The following USP30 variants were observed in gnomAD, a reference collection of about 807,000 sequenced individuals.
USP30 encodes the protein ubiquitin specific peptidase 30.
A neutral mutation model predicts 68.2 loss-of-function variants in USP30; 41 were observed. The ratio of observed to expected loss-of-function variants is 0.60; its 90% CI spans 0.47 to 0.78. The LOEUF is 0.78. USP30 is among the 30% of genes least tolerant of loss of function. USP30 has a pLI of 0.00. For synonymous variants in USP30, 229 were observed against 253.7 expected, an observed-to-expected ratio of 0.90 and a Z score of 0.93; for missense variants, 522 against 649.4, an observed-to-expected ratio of 0.80 and a Z score of 2.13.
At chr12:109,066,952 A>G (rs1166966981) in intron 3 of USP30, among the ~76,000 whole-genome samples, 1 of 152,158 alleles carries the variant, frequency 6.6e-6, no homozygotes, top group Non-Finnish European at 1.5e-5. Context: ...TAGTTTGAAG[A>G]TACAGGAATC....
chr12:109,041,418 C>T (rs1302845759), intron 3 of USP30, among the ~76,000 whole-genome samples: 7 of 152,060 alleles, frequency 4.6e-5, no homozygotes, highest in Admixed American at 6.6e-5. Context: ...AGGTGGATCA[C>T]GAGCTCAGGA....
intron 3 of USP30, among the ~76,000 whole-genome samples, chr12:109,059,727 T>C (rs1359154318): frequency 6.6e-6 from 1 of 151,756 alleles, no homozygotes; most frequent in Non-Finnish European, 1.5e-5. Context: ...TAGCCAGACA[T>C]GTCTCGAACT....
chr12:109,041,964 T>C (rs1478404756), intron 3 of USP30, among the ~76,000 whole-genome samples: 6 of 152,150 alleles, frequency 3.9e-5, no homozygotes, highest in Non-Finnish European at 8.8e-5. Context: ...AATTATTTTT[T>C]AATTATAAAA....
intron 7 of USP30, among the ~76,000 whole-genome samples, chr12:109,073,877 A>G (rs1335752523): frequency 6.6e-6 from 1 of 152,206 alleles, no homozygotes; most frequent in East Asian, 1.9e-4. Context: ...AATTTCCAAC[A>G]TCATACAAAA....
At chr12:109,046,367 C>T (rs1353071391) in intron 3 of USP30, among the ~76,000 whole-genome samples, 1 of 151,476 alleles carries the variant, frequency 6.6e-6, no homozygotes, top group South Asian at 2.1e-4. Context: ...CCCACCTCAG[C>T]CTCCCACAGT....
intron 3 of USP30, among the ~76,000 whole-genome samples, chr12:109,028,137 T>G (rs2040457501): frequency 6.6e-6 from 1 of 152,226 alleles, no homozygotes; most frequent in Non-Finnish European, 1.5e-5. Context: ...CATCTTTTCA[T>G]GTGCTTATTG....
At chr12:109,074,490 C>T (rs564096240) in intron 7 of USP30, among the ~76,000 whole-genome samples, 18 of 152,252 alleles carry the variant, frequency 1.2e-4, no homozygotes, top group Admixed American at 8.5e-4. Context: ...TCATTCCCAC[C>T]GGCAGTGTAT....
At chr12:109,047,918 G>A (rs1055202639), upstream of USP30, among the ~76,000 whole-genome samples, 3 of 152,058 alleles carry the variant, frequency 2.0e-5, no homozygotes, top group Admixed American at 6.5e-5. Context: ...GGCTCCCTAA[G>A]GGTGCTCAAG....
At chr12:109,027,584 T>G (rs1016383812) in intron 3 of USP30, 4 of 152,210 alleles carry the variant, frequency 2.6e-5, no homozygotes, top group African/African-American at 9.7e-5. Flanking sequence ...AGGCCTATTC[T>G]ACTTCCTGTT....
chr12:109,024,582 C>G (rs1254266844), intron 1 of USP30, among the ~76,000 whole-genome samples: 2 of 150,928 alleles, frequency 1.3e-5, no homozygotes, highest in Admixed American at 1.3e-4. Context: ...TAAGTATCAA[C>G]TTGGTGGGTT....
chr12:109,065,206 A>G (rs1214226762), intron 3 of USP30, among the ~76,000 whole-genome samples: 1 of 152,194 alleles, frequency 6.6e-6, no homozygotes. Context: ...AACTGCACTG[A>G]GAGGCAGGCT....
At chr12:109,073,628 G>A (rs1237821631) in intron 7 of USP30, 96 bp downstream of exon 7, 99 of 1,085,452 alleles carry the variant, frequency 9.1e-5, no homozygotes, top group Non-Finnish European at 6.9e-6. Flanking sequence ...ATCGGTCACT[G>A]GTGTTAGAGA....
chr12:109,053,893 GT>G, intron 1 of USP30: 2 of 388,056 alleles, frequency 5.2e-6, no homozygotes, highest in East Asian at 7.6e-5. Flanking sequence ...GAACTTCGTG[GT>G]TTTAAGCACA....
chr12:109,038,470 C>CT (rs1441463670), intron 3 of USP30, among the ~76,000 whole-genome samples: 1 of 152,022 alleles, frequency 6.6e-6, no homozygotes, highest in Non-Finnish European at 1.5e-5. Context: ...TCCTTTTAAG[C>CT]TTTTTTTCCC....
chr12:109,068,637 C>A (rs1371031291), intron 4 of USP30, among the ~76,000 whole-genome samples: 3 of 152,200 alleles, frequency 2.0e-5, no homozygotes, highest in African/African-American at 7.2e-5. Context: ...TTTCCCTAAA[C>A]TGAGAGAATA....
chr12:109,052,802 C>G (rs1192853336), intron 1 of USP30, 41 bp downstream of exon 1: 12 of 1,416,496 alleles, frequency 8.5e-6, no homozygotes, highest in Non-Finnish European at 1.1e-5. Context: ...AGGCCGGGAC[C>G]AGGGTCCCCA....
intron 7 of USP30, among the ~76,000 whole-genome samples, chr12:109,077,434 C>G (rs891664745): frequency 5.3e-5 from 8 of 152,042 alleles, no homozygotes; most frequent in African/African-American, 1.9e-4. Context: ...GATAAATTGT[C>G]CCTCTTCATC....
At chr12:109,050,061 C>G (rs920280097), upstream of USP30, among the ~76,000 whole-genome samples, 1 of 152,066 alleles carries the variant, frequency 6.6e-6, no homozygotes, top group Admixed American at 6.5e-5. Flanking sequence ...TTTGGGAGGC[C>G]AAGGTGGGTG....
chr12:109,051,169 A>G (rs1371250921), upstream of USP30, among the ~76,000 whole-genome samples: 7 of 151,550 alleles, frequency 4.6e-5, no homozygotes, highest in Non-Finnish European at 1.0e-4. Flanking sequence ...GATTATAGGC[A>G]TAAGCCACTG....
Sources: allele counts gnomAD v4.1 joint callset (sites outside exome capture counted in the v4.1 genomes callset), GRCh38; gene constraint gnomAD v4.1.1; transcripts MANE v1.5; gene names NCBI Gene and HGNC (gene_info 2026-07-23, HGNC 2026-07-21).